Variants in FAM185A observed in about 807,000 individuals in gnomAD.
FAM185A encodes the protein family with sequence similarity 185 member A.
A neutral mutation model predicts 45.7 loss-of-function variants in FAM185A; 21 were observed. The ratio of observed to expected loss-of-function variants is 0.46; its 90% CI spans 0.33 to 0.66. The LOEUF is 0.66. FAM185A is among the 30% of genes least tolerant of loss of function. The pLI, the probability that FAM185A is intolerant of heterozygous loss-of-function variation, is 0.03. For missense variants in FAM185A, 305 were observed against 485.4 expected (o/e 0.63, Z 3.49); for synonymous variants, 117 against 194.0 (o/e 0.60, Z 3.30).
downstream of FAM185A, chr7:102,809,276 A>T (rs999834574): frequency 6.6e-6 from 1 of 152,276 alleles, no homozygotes; most frequent in African/African-American, 2.4e-5. Context: ...ATAGCTAATT[A>T]GGAAAAAAGA....
At chr7:102,849,189 C>T in the FAM185A span, among the ~76,000 whole-genome samples, 1 of 152,178 alleles carries the variant, frequency 6.6e-6, no homozygotes, top group Non-Finnish European at 1.5e-5. Flanking sequence ...TTAAGAAATG[C>T]TCAGTTACAG....
At chr7:102,808,240 T>G (rs1343250030) in intron 7 of FAM185A, 50 bp from the exon 8 acceptor site, 1 of 1,156,066 alleles carries the variant, frequency 8.7e-7, no homozygotes, top group Non-Finnish European at 1.3e-6. Context: ...CTAGGATCTA[T>G]GTGGTCAATT....
chr7:102,831,394 GACACACACAC>G, the FAM185A span, among the ~76,000 whole-genome samples: 6 of 141,652 alleles, frequency 4.2e-5, no homozygotes, highest in African/African-American at 1.1e-4. Flanking sequence ...CAGTGCCCGG[GACACACACAC>G]ACACACACAC....
At chr7:102,778,916 C>T (rs1795237934) in intron 6 of FAM185A, among the ~76,000 whole-genome samples, 1 of 152,188 alleles carries the variant, frequency 6.6e-6, no homozygotes, top group Admixed American at 6.5e-5. Flanking sequence ...GGTTCAGAGC[C>T]AGCCACTGGA....
rs1243141509 is a variant in FAM185A at position 102,784,922 on chromosome 7, A to G, written c.932-2413A>G. 4.3e-4 allele frequency among the ~76,000 whole-genome samples: 65 copies of G among 152,364 alleles called. 1 individual carries two copies. In the East Asian group the frequency reaches 0.012, roughly 28 times the overall value. On this transcript the variant is annotated intron_variant, in intron 6 of 7. Transcript: ENST00000413034. ...CTGTTTGCAGATGACATGATTGTAT[A>G]TCTAGAAAACCCCATCGTCTCAGCC...
intron 7 of FAM185A, among the ~76,000 whole-genome samples, chr7:102,798,091 T>C (rs945300720): frequency 5.9e-5 from 9 of 152,162 alleles, no homozygotes; most frequent in African/African-American, 1.9e-4. Context: ...AATTACAGAG[T>C]TAAACACATG....
At chr7:102,842,811 CAGAGT>C in the FAM185A span, among the ~76,000 whole-genome samples, 1 of 152,296 alleles carries the variant, frequency 6.6e-6, no homozygotes, top group Admixed American at 6.5e-5. Flanking sequence ...ACAGATAGTC[CAGAGT>C]ACAAGACTCA....
At chr7:102,819,866 G>A in the FAM185A span, among the ~76,000 whole-genome samples, 1 of 152,176 alleles carries the variant, frequency 6.6e-6, no homozygotes, top group African/African-American at 2.4e-5. Context: ...ATTTCCAACT[G>A]CACTGAAGGA....
chr7:102,785,524 T>C (rs1205966031), intron 6 of FAM185A, among the ~76,000 whole-genome samples: 6 of 152,046 alleles, frequency 3.9e-5, no homozygotes, highest in Admixed American at 2.0e-4. Context: ...GAAATAATGC[T>C]GCATATCTAC....
intron 6 of FAM185A, among the ~76,000 whole-genome samples, chr7:102,786,829 A>AT (rs1554378010): frequency 1.8e-5 from 2 of 110,278 alleles, no homozygotes; most frequent in African/African-American, 5.0e-5. Context: ...AAAGTATAAT[A>AT]AAAAAAAAAA....
chr7:102,765,120 C>T (rs1794313292), intron 4 of FAM185A, among the ~76,000 whole-genome samples: 1 of 152,158 alleles, frequency 6.6e-6, no homozygotes, highest in Non-Finnish European at 1.5e-5. Flanking sequence ...ATCCTAGTTT[C>T]TTGGCTTTCT....
At chr7:102,813,077 T>C (rs1415172489), downstream of FAM185A, among the ~76,000 whole-genome samples, 1 of 152,110 alleles carries the variant, frequency 6.6e-6, no homozygotes, top group Non-Finnish European at 1.5e-5. Context: ...TCCTGACTTA[T>C]GGTCCACCCG....
chr7:102,818,493 T>C, the FAM185A span, among the ~76,000 whole-genome samples: 3 of 152,242 alleles, frequency 2.0e-5, no homozygotes, highest in Non-Finnish European at 2.9e-5. Context: ...TTCATACTGA[T>C]AATAAAAGTC....
chr7:102,791,504 TTG>T lies in FAM185A; in HGVS notation c.1066+4041_1066+4042del, dbSNP rs544151016. On this transcript the variant is annotated intron_variant, in intron 7 of 7. Coordinates refer to ENST00000413034, the MANE Select transcript of FAM185A (RefSeq NM_001145268.2). ...AGCGCCTTAGCCTATTGAGTTCTTT[TTG>T]TGTGTTACTTGTTATTATGGCTTAT... Among the ~76,000 whole-genome samples, 48 of 152,322 alleles carry T rather than the reference TTG, an allele frequency of 3.2e-4. 1 individual carries two copies. In the South Asian group the frequency reaches 9.3e-3, roughly 30 times the overall value.
the FAM185A span, chr7:102,822,036 T>C: frequency 1.9e-6 from 3 of 1,614,158 alleles, no homozygotes; most frequent in Non-Finnish European, 2.5e-6. Flanking sequence ...AGGTACATAC[T>C]TACTTGGAAA....
intron 6 of FAM185A, among the ~76,000 whole-genome samples, chr7:102,786,720 C>G (rs909629249): frequency 2.0e-5 from 3 of 152,024 alleles, no homozygotes; most frequent in African/African-American, 7.2e-5. Context: ...GGAGATATAC[C>G]TAATGTTAAA....
the FAM185A span, among the ~76,000 whole-genome samples, chr7:102,837,454 T>A: frequency 6.6e-6 from 1 of 152,218 alleles, no homozygotes; most frequent in African/African-American, 2.4e-5. Flanking sequence ...AATTAGATGG[T>A]GATGTGAGGG....
intron 7 of FAM185A, among the ~76,000 whole-genome samples, chr7:102,800,080 CTG>C (rs1796692872): frequency 6.6e-6 from 1 of 152,326 alleles, no homozygotes; most frequent in South Asian, 2.1e-4. Context: ...TCACAGGAAT[CTG>C]TGCAGACAAC....
chr7:102,764,800 T>C (rs1794291553), intron 4 of FAM185A, among the ~76,000 whole-genome samples: 3 of 151,762 alleles, frequency 2.0e-5, no homozygotes, highest in Admixed American at 6.6e-5. Context: ...AAGCAAGGCT[T>C]AAACTAATTT....
Sources: allele counts gnomAD v4.1 joint callset (sites outside exome capture counted in the v4.1 genomes callset), GRCh38; gene constraint gnomAD v4.1.1; transcripts MANE v1.5; gene names NCBI Gene and HGNC (gene_info 2026-07-23, HGNC 2026-07-21).